HTT: variants seen among roughly 807,000 people sequenced by gnomAD.
HTT encodes the protein huntingtin, also known as huntington disease protein.
In HTT, 104 loss-of-function variants were observed where a neutral mutation model predicts 362.3. The observed-to-expected ratio is 0.29, with a 90% CI of 0.24 to 0.34. The LOEUF is 0.34. HTT is among the 10% of genes least tolerant of loss of function. The probability of loss-of-function intolerance (pLI) is 1.00; values close to 1 mark genes in which losing one functional copy is unlikely to be tolerated. For synonymous variants in HTT, 1,577 were observed against 1,548.7 expected (o/e 1.02, Z -0.43); for missense variants, 3,301 against 3,928.6 (o/e 0.84, Z 4.27).
chr4:3,225,092 G>C (rs895945259), intron 56 of HTT, among the ~76,000 whole-genome samples: 3 of 152,036 alleles, frequency 2.0e-5, no homozygotes, highest in African/African-American at 7.2e-5. Flanking sequence ...TTAGCGGGAG[G>C]CTGGTGCCCG....
chr4:3,220,625 G>T (rs751172872), intron 53 of HTT, among the ~76,000 whole-genome samples: 1 of 152,120 alleles, frequency 6.6e-6, no homozygotes, highest in Non-Finnish European at 1.5e-5. Flanking sequence ...AGGCTAAACA[G>T]TGGCAGCACT....
chr4:3,077,956 A>G (rs1487590173), intron 1 of HTT, among the ~76,000 whole-genome samples: 1 of 152,214 alleles, frequency 6.6e-6, no homozygotes, highest in Admixed American at 6.5e-5. Context: ...AAGATTGATG[A>G]AAGCAATTTA....
intron 1 of HTT, among the ~76,000 whole-genome samples, 158 bp downstream of exon 1, chr4:3,075,246 C>A (rs1020461211): frequency 6.6e-6 from 1 of 152,364 alleles, no homozygotes; most frequent in Admixed American, 6.5e-5. Flanking sequence ...CACCCGCCCC[C>A]TCCTGGGGCG....
Position 3,160,411 on chromosome 4 carries a change from C to A in HTT, c.3864+19C>A, listed in dbSNP as rs1258126001. On this transcript the variant is annotated intron_variant, in intron 29 of 66. Transcript: ENST00000355072. Reference sequence around the variant, plus strand: ...TGGGAAGGTTTGTGTCTTGTTTTTTCTCCTTGGGTTGTGGCTGGCACACTT... The same window carrying A: ...TGGGAAGGTTTGTGTCTTGTTTTTTATCCTTGGGTTGTGGCTGGCACACTT... 5 of 1,471,874 alleles carry A rather than the reference C, an allele frequency of 3.4e-6. No homozygotes were observed. The African/African-American group carries it at 4.2e-5, about 12-fold the overall frequency. 91.2% of individuals were successfully genotyped at this position (1,471,874 alleles called of 1,614,324 possible). A position where few individuals can be genotyped will look rare whatever the true frequency, so the allele number is the denominator to read the frequency against.
Position 3,151,889 on chromosome 4 carries a change from G to A in HTT, c.3499-2404G>A, listed in dbSNP as rs1018755799. On this transcript the variant is annotated intron_variant, in intron 26 of 66. Transcript: ENST00000355072. ...GATATACTATCTCATTTGGATTACTGCACTAGCCTTTTGTTTTGGAAACAG... is the reference window on the plus strand; with the variant it reads ...GATATACTATCTCATTTGGATTACTACACTAGCCTTTTGTTTTGGAAACAG... Among the ~76,000 whole-genome samples, 8 of 152,046 alleles carry A rather than the reference G, an allele frequency of 5.3e-5. No individual in the cohort carries two copies. The East Asian group carries it at 1.3e-3, about 26-fold the overall frequency.
intron 6 of HTT, among the ~76,000 whole-genome samples, chr4:3,113,587 C>T (rs1714871861): frequency 6.6e-6 from 1 of 152,188 alleles, no homozygotes. Context: ...TCTTCAGCCT[C>T]CCAAAGTGCT....
intron 10 of HTT, among the ~76,000 whole-genome samples, chr4:3,123,648 C>G (rs1715397016): frequency 6.6e-6 from 1 of 152,092 alleles, no homozygotes. Context: ...TGTAGTCATG[C>G]CACTGCACTC....
rs1451105179 is a variant in HTT, at chr4:3,107,278, T to C, written c.609-7T>C. 6.2e-7 allele frequency: 1 copy of C among 1,611,136 alleles called. No homozygotes were observed. Among genetic ancestry groups the C allele is most frequent in the African/African-American group, 1.3e-5 (1 of 74,746 alleles). On this transcript the variant is annotated splice_polypyrimidine_tract_variant and splice_region_variant and intron_variant, in intron 5 of 66. Transcript: ENST00000355072. ...GAAGAATGACTTGCGTTCTTTTGCA[T>C]ACACAGGCCTTACCTGGTGAACCTT... is the stretch of plus-strand genomic sequence containing the variant.
chr4:3,177,538 C>G (rs1718295278), intron 34 of HTT, 151 bp downstream of exon 34: 1 of 559,136 alleles, frequency 1.8e-6, no homozygotes. Context: ...ATTTTTGCTT[C>G]TCTTAAAAAT....
chr4:3,233,165 C>A lies in HTT; in HGVS notation c.8268C>A (p.Asp2756Glu). 6.3e-7 allele frequency: 1 copy of A among 1,582,714 alleles called. No individual in the cohort carries two copies. The part of the protein sequence containing the change: ...TCKAAAVLGM[D>E]KAVAEPVSRL... Reference sequence around the variant, plus strand: ...AGCTTTTGTCTGTGTGTGCCTAGGACAAGGCCGTGGCGGAGCCTGTCAGCC... The same window carrying A: ...AGCTTTTGTCTGTGTGTGCCTAGGAAAAGGCCGTGGCGGAGCCTGTCAGCC... The change falls in exon 61 of 67, where the codon GAC (aspartate) becomes GAA (glutamate). Residue 2756 changes from aspartate to glutamate, a missense_variant and splice_region_variant. Asp to Glu is a conservative substitution (Grantham distance 45). This residue lies in a region of HTT where 753 missense variants were observed against 1,021.3 expected (regional missense o/e 0.74). Transcript: ENST00000355072.
rs1719846536 is a variant in HTT, at chr4:3,206,224, G to A, written c.5719-272G>A. Among the ~76,000 whole-genome samples the A allele has an allele frequency of 6.6e-6, 1 of 152,236 alleles. No homozygotes were observed. Among genetic ancestry groups the A allele is most frequent in the Admixed American group, 6.5e-5 (1 of 15,280 alleles). On this transcript the variant is annotated intron_variant, in intron 42 of 66. Coordinates refer to ENST00000355072, the MANE Select transcript of HTT (RefSeq NM_001388492.1). This position sits in a 1 kb window ranked among gnomAD's most constrained non-coding sequence, Gnocchi z 4.6. ...TCCTTTGACCCTTGGCCATTTGTTAGTGTCTCTGAGAGCTGGACTGCTGTA... is the reference window on the plus strand; with the variant it reads ...TCCTTTGACCCTTGGCCATTTGTTAATGTCTCTGAGAGCTGGACTGCTGTA...
At chr4:3,148,569 G>C (rs558812494) in intron 26 of HTT, among the ~76,000 whole-genome samples, 1 of 151,966 alleles carries the variant, frequency 6.6e-6, no homozygotes, top group Admixed American at 6.6e-5. Flanking sequence ...AGGCCGAGGT[G>C]GGCGGATCAC....
At position 3,175,102 on chromosome 4, in the gene HTT, G is replaced by A. The variant is rs1216384593; in HGVS notation, c.4402G>A (p.Asp1468Asn). The A allele has an allele frequency of 1.2e-6, 2 of 1,610,438 alleles. No homozygotes were observed. Among genetic ancestry groups the A allele is most frequent in the East Asian group, 2.2e-5 (1 of 44,858 alleles). Residue 1468 changes from aspartate (D) to asparagine (N), a missense_variant, in exon 33 of 67, where the codon GAT becomes AAT. Around this residue, in one of 4 missense-constraint regions of HTT, gnomAD observed 2,316 missense variants for 2,658.5 expected, o/e 0.87. Coordinates refer to ENST00000355072, the MANE Select transcript of HTT (RefSeq NM_001388492.1). ...GGTTAATTACTGTCTTCTGGATTCA[G>A]ATCAGGTTTGTCACTTTTATCTTTC... is the stretch of plus-strand genomic sequence containing the variant. ...LRVNYCLLDS[D>N]QVFIGFVLKQ...
intron 66 of HTT, 121 bp downstream of exon 66, chr4:3,239,099 G>T (rs1334880076): frequency 2.7e-5 from 28 of 1,032,578 alleles, no homozygotes; most frequent in Non-Finnish European, 3.7e-5. Flanking sequence ...AGGGTGACAG[G>T]CCCTCAGCCC....
At chr4:3,235,231 C>A in intron 61 of HTT, 53 bp from the exon 62 acceptor site, 1 of 1,244,790 alleles carries the variant, frequency 8.0e-7, no homozygotes, top group South Asian at 1.2e-5. Context: ...CTGTGAAGCC[C>A]TCTCCACGTT....
At chr4:3,156,518 T>C (rs1013021864) in intron 27 of HTT, among the ~76,000 whole-genome samples, 1 of 152,238 alleles carries the variant, frequency 6.6e-6, no homozygotes, top group African/African-American at 2.4e-5. Flanking sequence ...TGTAAAATTA[T>C]CAGTATATTA....
At chr4:3,084,012 A>G (rs1713064341) in intron 1 of HTT, among the ~76,000 whole-genome samples, 1 of 152,156 alleles carries the variant, frequency 6.6e-6, no homozygotes, top group Admixed American at 6.6e-5. Flanking sequence ...GGTTATACAT[A>G]CTGTATGATT....
intron 6 of HTT, among the ~76,000 whole-genome samples, chr4:3,113,412 C>T (rs559568084): frequency 3.3e-5 from 5 of 152,134 alleles, no homozygotes; most frequent in Admixed American, 2.6e-4. Context: ...TCACTGCAGC[C>T]TCCACCTCCC....
At chr4:3,135,627 G>A (rs1465881458) in intron 19 of HTT, among the ~76,000 whole-genome samples, 1 of 152,086 alleles carries the variant, frequency 6.6e-6, no homozygotes, top group Non-Finnish European at 1.5e-5. Context: ...TCTGTGGCTT[G>A]AGCCAATTTT....
Sources: allele counts gnomAD v4.1 joint callset (sites outside exome capture counted in the v4.1 genomes callset), GRCh38; gene constraint gnomAD v4.1.1; regional missense constraint gnomAD v4.1.1; non-coding constraint Gnocchi (gnomAD v3.1); transcripts MANE v1.5; gene names NCBI Gene and HGNC (gene_info 2026-07-23, HGNC 2026-07-21).